EIF2A: variants seen among roughly 807,000 people sequenced by gnomAD.
The protein encoded by EIF2A is 65 kDa eukaryotic translation initiation factor 2A.
Under a neutral mutation model 75.2 loss-of-function variants are expected in EIF2A, and 62 were observed. The ratio of observed to expected loss-of-function variants is 0.82; its 90% confidence interval spans 0.67 to 1.02. EIF2A has a LOEUF of 1.02. Among genes scored for constraint, EIF2A ranks in the 50% least tolerant of loss-of-function variants. The pLI, the probability that EIF2A is intolerant of heterozygous loss-of-function variation, is 0.00. For missense variants in EIF2A, 611 were observed against 677.7 expected, an observed-to-expected ratio of 0.90 and a Z score of 1.09; for synonymous variants, 207 against 239.0, an observed-to-expected ratio of 0.87 and a Z score of 1.23.
At chr3:150,553,035 A>G (rs13071114) in intron 2 of EIF2A, among the ~76,000 whole-genome samples, 124,703 of 152,118 alleles carry the variant, frequency 0.82, 51,688 homozygotes, top group East Asian at 0.91. Flanking sequence ...TTAAATTAAA[A>G]GCTGGGCCCG....
chr3:150,562,440 T>C, intron 3 of EIF2A, 102 bp from the exon 4 acceptor site: 1 of 884,868 alleles, frequency 1.1e-6, no homozygotes, highest in South Asian at 1.7e-5. Flanking sequence ...AAAGTCAACA[T>C]TTTGGAGTGA....
chr3:150,562,704 A>C, intron 4 of EIF2A, 44 bp downstream of exon 4: 1 of 1,442,238 alleles, frequency 6.9e-7, no homozygotes. Flanking sequence ...ACGATCAATT[A>C]CGTTTAGTGG....
chr3:150,546,809 C>T lies in EIF2A; in HGVS notation c.7C>T (p.Pro3Ser). The change falls in exon 1 of 14, where the codon CCG (proline) becomes TCG (serine). Residue 3 changes from proline to serine, a missense_variant. By Grantham distance (74) the Pro-to-Ser change is moderately conservative (BLOSUM62 -1). Coordinates refer to ENST00000460851, the MANE Select transcript of EIF2A (RefSeq NM_032025.5). Reference sequence around the variant, plus strand: ...TTTCTCTTTCCGGGACAACATGGCGCCGTCCACGCCGCTCTTGACAGGTGA... The same window carrying T: ...TTTCTCTTTCCGGGACAACATGGCGTCGTCCACGCCGCTCTTGACAGGTGA... Reference protein sequence around the residue: MAPSTPLLTVRGS... With the variant: MASSTPLLTVRGS... 5.6e-6 allele frequency: 9 copies of T among 1,612,540 alleles called. No homozygotes were observed. Among genetic ancestry groups the T allele is most frequent in the Non-Finnish European group, 7.6e-6 (9 of 1,179,898 alleles).
At chr3:150,558,528 A>T (rs1723690671) in intron 3 of EIF2A, 66 bp downstream of exon 3, 1 of 1,305,218 alleles carries the variant, frequency 7.7e-7, no homozygotes, top group Admixed American at 3.9e-5. Context: ...CATTATTTGA[A>T]TAACAGATAT....
At position 150,568,284 on chromosome 3, in the gene EIF2A, T is replaced by G. The variant is rs757143516; in HGVS notation, c.803T>G (p.Val268Gly). ...GCAACAAATGGAGAAAGTGCTGTAG[T>G]GCAATTACGTGAGTATTCCAGCAGT... ...YIATNGESAV[V>G]QLPKNGPIYD... The change falls in exon 9 of 14, where the codon GTG (valine) becomes GGG (glycine). Residue 268 changes from valine (V) to glycine (G), a missense_variant. By Grantham distance (109) the Val-to-Gly change is moderately radical (BLOSUM62 -3). Coordinates refer to ENST00000460851, the MANE Select transcript of EIF2A (RefSeq NM_032025.5). 6.2e-7 allele frequency: 1 copy of G among 1,608,970 alleles called. No homozygotes were observed. Among genetic ancestry groups the G allele is most frequent in the Admixed American group, 1.7e-5 (1 of 59,004 alleles).
At chr3:150,580,573 C>T (rs1392529272) in intron 11 of EIF2A, among the ~76,000 whole-genome samples, 1 of 152,084 alleles carries the variant, frequency 6.6e-6, no homozygotes, top group East Asian at 1.9e-4. Context: ...TTTTCTTCTT[C>T]CCAAGTTCAT....
intron 2 of EIF2A, among the ~76,000 whole-genome samples, chr3:150,557,853 TG>T (rs2107913815): frequency 6.6e-6 from 1 of 152,346 alleles, no homozygotes; most frequent in African/African-American, 2.4e-5. Context: ...ATGCTTTTGT[TG>T]TTATTTAGCA....
intron 7 of EIF2A, 34 bp downstream of exon 7, chr3:150,567,800 G>T (rs766931871): frequency 1.4e-5 from 22 of 1,571,190 alleles, no homozygotes; most frequent in Non-Finnish European, 1.9e-5. Context: ...GTAATATTAT[G>T]TGTTTAAACC....
chr3:150,562,193 C>T (rs1014338676), intron 3 of EIF2A, among the ~76,000 whole-genome samples: 10 of 152,090 alleles, frequency 6.6e-5, no homozygotes, highest in East Asian at 5.8e-4. Flanking sequence ...GAGGCCAAGG[C>T]GGGCGGATCA....
chr3:150,584,137 T>C lies in EIF2A; in HGVS notation c.*226T>C. ...GTCAATATGTGATATAGAAAAGAGATACGTGAATTTTTTAGCTAAGCTTGA... is the reference window on the plus strand; with the variant it reads ...GTCAATATGTGATATAGAAAAGAGACACGTGAATTTTTTAGCTAAGCTTGA... On this transcript the variant is annotated 3_prime_UTR_variant, in exon 14 of 14. Transcript: ENST00000460851. 1 of 413,666 alleles carries C rather than the reference T, an allele frequency of 2.4e-6. No individual in the cohort carries two copies. The highest frequency in any genetic ancestry group is 4.2e-6 in the Non-Finnish European group (1 of 237,640). 25.6% of individuals were successfully genotyped at this position (413,666 alleles called of 1,614,324 possible).
intron 11 of EIF2A, among the ~76,000 whole-genome samples, chr3:150,581,343 A>G (rs997760642): frequency 6.6e-6 from 1 of 152,172 alleles, no homozygotes; most frequent in African/African-American, 2.4e-5. Flanking sequence ...ATATGTTCAA[A>G]CCATCTATCT....
chr3:150,571,809 A>G (rs906683184), intron 9 of EIF2A, 149 bp from the exon 10 acceptor site: 28 of 653,406 alleles, frequency 4.3e-5, no homozygotes, highest in Non-Finnish European at 5.9e-5. Flanking sequence ...TCCCCCTAGT[A>G]TATAATGTAA....
intron 9 of EIF2A, among the ~76,000 whole-genome samples, chr3:150,569,375 T>G (rs1458272746): frequency 1.3e-5 from 2 of 152,160 alleles, no homozygotes; most frequent in Non-Finnish European, 2.9e-5. Context: ...TATAAAGATG[T>G]CATTTCTCTC....
intron 3 of EIF2A, among the ~76,000 whole-genome samples, chr3:150,560,184 T>C (rs1723777391): frequency 6.6e-6 from 1 of 152,202 alleles, no homozygotes; most frequent in South Asian, 2.1e-4. Context: ...TCTGAATCTT[T>C]TTAGTATGTC....
chr3:150,581,750 A>G lies in EIF2A; in HGVS notation c.1626+4A>G. 1 of 1,557,350 alleles carries G rather than the reference A, an allele frequency of 6.4e-7. No individual in the cohort carries two copies. ...AAAAATCAAGAACCTAAAGAAGGTGAGAGACTTAAAAACAGATGTGCATAT... is the reference window on the plus strand; with the variant it reads ...AAAAATCAAGAACCTAAAGAAGGTGGGAGACTTAAAAACAGATGTGCATAT... On this transcript the variant is annotated splice_donor_region_variant and intron_variant, in intron 12 of 13. Coordinates refer to ENST00000460851, the MANE Select transcript of EIF2A (RefSeq NM_032025.5).
chr3:150,557,743 G>A, intron 2 of EIF2A: 1 of 318,312 alleles, frequency 3.1e-6, no homozygotes, highest in Non-Finnish European at 6.2e-6. Flanking sequence ...CTGAGTGTAA[G>A]CTGTCATTAT....
chr3:150,574,625 G>C (rs1427514737), intron 10 of EIF2A, among the ~76,000 whole-genome samples: 2 of 152,206 alleles, frequency 1.3e-5, no homozygotes, highest in Non-Finnish European at 2.9e-5. Flanking sequence ...TATTCAGTTT[G>C]TTTCAAGTAG....
At chr3:150,547,227 G>A (rs962338787) in intron 1 of EIF2A, 1 of 216,144 alleles carries the variant, frequency 4.6e-6, no homozygotes, top group African/African-American at 2.3e-5. Context: ...GAATGATCAC[G>A]CACTTTAAAT....
chr3:150,583,445 A>C (rs932733691), intron 13 of EIF2A, among the ~76,000 whole-genome samples, 180 bp downstream of exon 13: 5 of 152,198 alleles, frequency 3.3e-5, no homozygotes, highest in African/African-American at 1.2e-4. Context: ...AATAGAAGAG[A>C]TATGGTATTG....
Sources: allele counts gnomAD v4.1 joint callset (sites outside exome capture counted in the v4.1 genomes callset), GRCh38; gene constraint gnomAD v4.1.1; transcripts MANE v1.5; gene names NCBI Gene and HGNC (gene_info 2026-07-23, HGNC 2026-07-21).